The following SRGAP1 variants were observed in gnomAD, a reference collection of about 807,000 sequenced individuals.
SRGAP1 encodes the protein SLIT-ROBO Rho GTPase-activating protein 1.
A neutral mutation model predicts 121.9 loss-of-function variants in SRGAP1; 43 were observed. The observed-to-expected ratio is 0.35, with a 90% CI of 0.28 to 0.46. SRGAP1 has a LOEUF of 0.46. Among genes scored for constraint, SRGAP1 ranks in the 20% least tolerant of loss-of-function variants. SRGAP1 has a pLI of 1.00. For synonymous variants in SRGAP1, 447 were observed against 485.4 expected (o/e 0.92, Z 1.04); for missense variants, 1,102 against 1,350.9 (o/e 0.82, Z 2.89).
chr12:63,982,312 A>G (rs1432610914), intron 1 of SRGAP1, among the ~76,000 whole-genome samples: 1 of 152,176 alleles, frequency 6.6e-6, no homozygotes, highest in Non-Finnish European at 1.5e-5. Flanking sequence ...AAAAGTCTCC[A>G]GGGGTACCAG....
At chr12:63,873,843 C>T (rs542936353) in intron 1 of SRGAP1, among the ~76,000 whole-genome samples, 2 of 151,380 alleles carry the variant, frequency 1.3e-5, no homozygotes, top group Middle Eastern at 3.4e-3. Flanking sequence ...AACCTGGTAA[C>T]GTGACGAAAC....
intron 4 of SRGAP1, among the ~76,000 whole-genome samples, chr12:64,019,294 C>A (rs1308607740): frequency 6.6e-6 from 1 of 152,102 alleles, no homozygotes; most frequent in East Asian, 1.9e-4. Context: ...TAAGCTGACA[C>A]CTCAGAACTC....
At chr12:64,138,934 C>T (rs1268446127) in intron 21 of SRGAP1, among the ~76,000 whole-genome samples, 2 of 152,122 alleles carry the variant, frequency 1.3e-5, no homozygotes, top group Non-Finnish European at 2.9e-5. Context: ...CATACTGTTC[C>T]AATCAAAACA....
At chr12:63,912,092 A>G (rs1592939404) in intron 1 of SRGAP1, among the ~76,000 whole-genome samples, 1 of 152,256 alleles carries the variant, frequency 6.6e-6, no homozygotes, top group East Asian at 1.9e-4. Flanking sequence ...GACATTATAC[A>G]CCAATCTGTG....
At chr12:63,918,889 TTAAAA>T (rs1362468411) in intron 1 of SRGAP1, among the ~76,000 whole-genome samples, 2 of 152,192 alleles carry the variant, frequency 1.3e-5, no homozygotes, top group Non-Finnish European at 2.9e-5. Flanking sequence ...TGGGAGAGAC[TTAAAA>T]TAAACAAGGA....
chr12:64,131,323 ACTT>A (rs1383819529), intron 21 of SRGAP1, among the ~76,000 whole-genome samples: 2 of 152,166 alleles, frequency 1.3e-5, no homozygotes, highest in African/African-American at 2.4e-5. Context: ...TTGCAATCAT[ACTT>A]CTTCTAAGTC....
At position 64,151,670 on chromosome 12, in the gene SRGAP1, T is replaced by C. The variant is rs1375745738; in HGVS notation, c.*8998T>C. Reference sequence around the variant, plus strand: ...TGGTCATGTTTCTTTACCAGTGTACTAGGTGAGTGATAGGCTCAATGCAAA... The same window carrying C: ...TGGTCATGTTTCTTTACCAGTGTACCAGGTGAGTGATAGGCTCAATGCAAA... On this transcript the variant is annotated 3_prime_UTR_variant, in exon 22 of 22. Transcript: ENST00000355086. The C allele has an allele frequency of 1.3e-5, 2 of 152,224 alleles. No individual in the cohort carries two copies. The highest frequency in any genetic ancestry group is 2.9e-5 in the Non-Finnish European group (2 of 68,038). The allele number at this position is 152,224 out of a possible 1,614,324, so 9.4% of individuals were successfully genotyped here.
chr12:63,862,506 G>A (rs1228198217), intron 1 of SRGAP1, among the ~76,000 whole-genome samples: 2 of 152,124 alleles, frequency 1.3e-5, no homozygotes, highest in Admixed American at 6.5e-5. Context: ...CTGAAGGTGC[G>A]GCTTATGCAA....
At chr12:63,989,449 T>C (rs528725236) in intron 2 of SRGAP1, among the ~76,000 whole-genome samples, 100 of 152,356 alleles carry the variant, frequency 6.6e-4, no homozygotes, top group Non-Finnish European at 1.2e-3. Flanking sequence ...TTATGTTCCA[T>C]GGAATGCATA....
chr12:63,956,013 A>T (rs1171158103), intron 1 of SRGAP1, among the ~76,000 whole-genome samples: 1 of 152,142 alleles, frequency 6.6e-6, no homozygotes, highest in Non-Finnish European at 1.5e-5. Context: ...TGTGCAACAC[A>T]CTTTTGATAA....
chr12:63,950,026 A>G (rs1458400854), intron 1 of SRGAP1, among the ~76,000 whole-genome samples: 2 of 152,174 alleles, frequency 1.3e-5, no homozygotes, highest in Non-Finnish European at 2.9e-5. Context: ...AAAGGCGGTG[A>G]TTGTGTTGAG....
rs2037158904 is a variant in SRGAP1, at chr12:64,155,677, C to T, written c.*13005C>T. The T allele has an allele frequency of 6.6e-6, 1 of 151,960 alleles. No individual in the cohort carries two copies. Among genetic ancestry groups the T allele is most frequent in the Non-Finnish European group, 1.5e-5 (1 of 67,984 alleles). The allele number at this position is 151,960 out of a possible 1,614,324, so 9.4% of individuals were successfully genotyped here. ...CGTCTCCCAGGCTGGAGTGCAGTGG[C>T]GCGACCTCGGCTCACCACGACCTCG... On this transcript the variant is annotated 3_prime_UTR_variant, in exon 22 of 22. Transcript: ENST00000355086.
chr12:64,137,278 A>AG (rs1236577862), intron 21 of SRGAP1, among the ~76,000 whole-genome samples: 1 of 152,124 alleles, frequency 6.6e-6, no homozygotes, highest in African/African-American at 2.4e-5. Context: ...CAAAAAAAAA[A>AG]AAATGTAAAT....
At chr12:63,923,586 C>T (rs977524254) in intron 1 of SRGAP1, among the ~76,000 whole-genome samples, 2 of 152,106 alleles carry the variant, frequency 1.3e-5, no homozygotes, top group Admixed American at 6.6e-5. Context: ...TATCTGCTTC[C>T]GAATGCCCAT....
chr12:63,906,977 C>A (rs2030242926), intron 1 of SRGAP1, among the ~76,000 whole-genome samples: 1 of 151,886 alleles, frequency 6.6e-6, no homozygotes, highest in African/African-American at 2.4e-5. Flanking sequence ...AACTGCCAAA[C>A]TATTTTCCAA....
intron 1 of SRGAP1, among the ~76,000 whole-genome samples, chr12:63,900,206 T>TTTTTTTCTTTTTTTTTTTTTTTTTTTTC (rs1555236576): frequency 1.2e-5 from 1 of 85,696 alleles, no homozygotes; most frequent in Non-Finnish European, 2.4e-5. Context: ...TTCTTTTTCT[T>TTTTTTTCTTTTTTTTTTTTTTTTTTTTC]TTTTTTTTTT....
intron 6 of SRGAP1, among the ~76,000 whole-genome samples, chr12:64,062,454 G>A (rs1022798830): frequency 1.3e-5 from 2 of 151,852 alleles, no homozygotes; most frequent in African/African-American, 4.8e-5. Context: ...AATAAGATAC[G>A]TGATTTGCAA....
chr12:63,962,595 A>T (rs540272602), intron 1 of SRGAP1, among the ~76,000 whole-genome samples: 1 of 152,178 alleles, frequency 6.6e-6, no homozygotes, highest in South Asian at 2.1e-4. Context: ...TTTAGTAGAG[A>T]CAAGGTTTTT....
chr12:63,984,283 A>G (rs2033354376), intron 2 of SRGAP1, 141 bp downstream of exon 2: 1 of 415,870 alleles, frequency 2.4e-6, no homozygotes, highest in East Asian at 3.6e-5. Context: ...AGCCCTCTAC[A>G]TTTGTAACTT....
Sources: gnomAD v4.1 joint callset for allele counts (sites outside exome capture counted in the v4.1 genomes callset) on GRCh38, gnomAD v4.1.1 for gene constraint, MANE v1.5 for transcripts, NCBI Gene and HGNC (gene_info 2026-07-23, HGNC 2026-07-21) for gene names.